DDX42: variants seen among roughly 807,000 people sequenced by gnomAD.
DDX42 encodes DEAD-box helicase 42, also known as ATP-dependent RNA helicase DDX42.
In DDX42, 22 loss-of-function variants were observed where a neutral mutation model predicts 101.5. The observed-to-expected ratio is 0.22, with a 90% confidence interval of 0.15 to 0.31. The LOEUF is 0.31. DDX42 is among the 10% of genes least tolerant of loss of function. The pLI is 1.00. For missense variants in DDX42, 849 were observed against 1,199.9 expected (o/e 0.71, Z 4.32); for synonymous variants, 402 against 401.2 (o/e 1.00, Z -0.02).
intron 3 of DDX42, among the ~76,000 whole-genome samples, chr17:63,797,717 A>G (rs1283914690): frequency 6.6e-6 from 1 of 152,252 alleles, no homozygotes; most frequent in Admixed American, 6.5e-5. Context: ...ATCTGCCTGA[A>G]TTGAAAGCAC....
At chr17:63,806,773 G>T in intron 8 of DDX42, 119 bp downstream of exon 8, 1 of 1,124,844 alleles carries the variant, frequency 8.9e-7, no homozygotes, top group African/African-American at 1.6e-5. Context: ...GATAAGGATA[G>T]AGGTATTTAT....
chr17:63,811,014 C>A, intron 12 of DDX42, 62 bp from the exon 13 acceptor site: 1 of 1,388,738 alleles, frequency 7.2e-7, no homozygotes, highest in African/African-American at 1.4e-5. Context: ...GCCAAAGAAG[C>A]TTAATGGGTA....
chr17:63,800,634 T>A lies in DDX42; in HGVS notation c.621+17T>A. 1 of 1,609,868 alleles carries A rather than the reference T, an allele frequency of 6.2e-7. No homozygotes were observed. The highest frequency in any genetic ancestry group is 1.7e-5 in the Admixed American group (1 of 59,092). ...CATTCAGAGGTATGGTGTTTCTTGCTGAATTTTACTCTTGTTTCAAGCTGA... is the reference window on the plus strand; with the variant it reads ...CATTCAGAGGTATGGTGTTTCTTGCAGAATTTTACTCTTGTTTCAAGCTGA... On this transcript the variant is annotated intron_variant, in intron 6 of 17. Coordinates refer to ENST00000389924, the MANE Select transcript of DDX42 (RefSeq NM_203499.3).
At chr17:63,787,955 A>G (rs1456866184) in intron 2 of DDX42, among the ~76,000 whole-genome samples, 1 of 130,190 alleles carries the variant, frequency 7.7e-6, no homozygotes, top group Non-Finnish European at 1.6e-5. Context: ...CCCAGGCTGG[A>G]GTATAATGGT....
chr17:63,809,886 G>T (rs2039888401), intron 11 of DDX42, among the ~76,000 whole-genome samples: 1 of 152,098 alleles, frequency 6.6e-6, no homozygotes, highest in Non-Finnish European at 1.5e-5. Context: ...TATATAAGGG[G>T]AATATTTTCT....
In DDX42 at chr17:63,818,188, C is replaced by T; in HGVS notation, c.2607C>T (p.Gly869=). The T allele has an allele frequency of 6.2e-7, 1 of 1,613,852 alleles. No homozygotes were observed. The highest frequency in any genetic ancestry group is 8.5e-7 in the Non-Finnish European group (1 of 1,179,990). ...AGAACAGACATGGAGGAAGCGCAGG[C>T]CGGCATGGGGAGAACCGGGGTGCAA... ...HGENRHGGSA[G]RHGENRGAND... is the part of the protein sequence containing the mutation. Residue 869 remains glycine (G), a synonymous_variant, in exon 18 of 18, where the codon GGC becomes GGT. Coordinates refer to ENST00000389924, the MANE Select transcript of DDX42 (RefSeq NM_203499.3).
chr17:63,801,757 A>G (rs1199849005), intron 6 of DDX42, among the ~76,000 whole-genome samples: 1 of 151,974 alleles, frequency 6.6e-6, no homozygotes, highest in East Asian at 1.9e-4. Context: ...ATCCGGTCAC[A>G]TTTGTTTTTT....
Position 63,814,712 on chromosome 17 carries a change from T to C in DDX42, c.1903-851T>C, listed in dbSNP as rs912151400. 1.6e-4 allele frequency among the ~76,000 whole-genome samples: 21 copies of C among 131,912 alleles called. No individual in the cohort carries two copies. The East Asian group carries it at 3.8e-3, about 24-fold the overall frequency. The allele number at this position is 131,912 out of a possible 152,430, so 86.5% of individuals were successfully genotyped here. On this transcript the variant is annotated intron_variant, in intron 15 of 17. Transcript: ENST00000389924. ...TTTTTTTTTTTTCTTTTTTCTGAGATGGAGTCACACTCTATCACCCAGGCT... is the reference window on the plus strand; with the variant it reads ...TTTTTTTTTTTTCTTTTTTCTGAGACGGAGTCACACTCTATCACCCAGGCT...
intron 15 of DDX42, among the ~76,000 whole-genome samples, chr17:63,814,725 T>G (rs1299646964): frequency 2.9e-5 from 4 of 136,742 alleles, no homozygotes; most frequent in Non-Finnish European, 6.3e-5. Flanking sequence ...AGTCACACTC[T>G]ATCACCCAGG....
chr17:63,779,909 T>C (rs1388669382), intron 1 of DDX42, among the ~76,000 whole-genome samples: 1 of 152,176 alleles, frequency 6.6e-6, no homozygotes, highest in East Asian at 1.9e-4. Flanking sequence ...AATAGAAATT[T>C]GGGTGGCTAT....
chr17:63,805,281 T>G (rs1288460356), intron 7 of DDX42, 106 bp downstream of exon 7: 13 of 1,356,600 alleles, frequency 9.6e-6, no homozygotes, highest in Non-Finnish European at 1.2e-5. Context: ...TCTAATGGTC[T>G]CTGAACTGTC....
chr17:63,790,574 A>G (rs1333551495), intron 2 of DDX42, among the ~76,000 whole-genome samples: 1 of 152,224 alleles, frequency 6.6e-6, no homozygotes, highest in Non-Finnish European at 1.5e-5. Context: ...CAGCCTGGAC[A>G]ACGTGGCAAA....
intron 8 of DDX42, among the ~76,000 whole-genome samples, chr17:63,807,424 AGC>A (rs2039856177): frequency 6.6e-6 from 1 of 152,248 alleles, no homozygotes; most frequent in Non-Finnish European, 1.5e-5. Context: ...TACAGGCGTG[AGC>A]CACTGCCCGG....
In DDX42 at chr17:63,819,164, A is replaced by C. The variant is rs542083520; in HGVS notation, c.*766A>C. On this transcript the variant is annotated 3_prime_UTR_variant, in exon 18 of 18. Transcript: ENST00000389924. ...TTTTTAACTTGCCCCAATGATAGAA[A>C]AGTCTTTTGCTGAAATGATTTTGAT... 3 of 152,724 alleles carry C rather than the reference A, an allele frequency of 2.0e-5. No homozygotes were observed. In the East Asian group the frequency reaches 5.8e-4, roughly 29 times the overall value. 9.5% of individuals were successfully genotyped at this position (152,724 alleles called of 1,614,324 possible).
intron 3 of DDX42, among the ~76,000 whole-genome samples, chr17:63,793,879 T>TATATATATATATATATATATAA (rs780884817): frequency 1.2e-4 from 12 of 103,030 alleles, no homozygotes; most frequent in African/African-American, 4.7e-4. Context: ...TATATATATA[T>TATATATATATATATATATATAA]AATTTTTTAA....
intron 9 of DDX42, 128 bp downstream of exon 9, chr17:63,808,028 C>G: frequency 1.2e-6 from 1 of 860,140 alleles, no homozygotes; most frequent in Non-Finnish European, 1.7e-6. Context: ...AATTGATTAT[C>G]TTAACCATTT....
intron 1 of DDX42, among the ~76,000 whole-genome samples, chr17:63,779,223 A>G (rs754419534): frequency 6.6e-6 from 1 of 152,176 alleles, no homozygotes; most frequent in Non-Finnish European, 1.5e-5. Context: ...AAAAAATACA[A>G]AAATGCAGTT....
chr17:63,784,780 A>ATT lies in DDX42; in HGVS notation c.-16-2244_-16-2243dup, dbSNP rs11429494. On this transcript the variant is annotated intron_variant, in intron 1 of 17. Coordinates refer to ENST00000389924, the MANE Select transcript of DDX42 (RefSeq NM_203499.3). ...CAGCAAGAACTTGTCTTAAAAAAAG[A>ATT]TTTTTTTTTTTAACTCAGAATGCAT... is the stretch of plus-strand genomic sequence containing the variant. 6.5e-4 allele frequency among the ~76,000 whole-genome samples: 97 copies of ATT among 149,846 alleles called. 1 individual carries two copies. The East Asian group carries it at 0.01, about 16-fold the overall frequency.
chr17:63,785,927 G>T (rs556090075), intron 1 of DDX42, among the ~76,000 whole-genome samples: 1 of 152,056 alleles, frequency 6.6e-6, no homozygotes, highest in African/African-American at 2.4e-5. Flanking sequence ...TCTAGTTTTC[G>T]GAGAGTCTTG....
Sources: gnomAD v4.1 joint callset for allele counts (sites outside exome capture counted in the v4.1 genomes callset) on GRCh38, gnomAD v4.1.1 for gene constraint, MANE v1.5 for transcripts, NCBI Gene and HGNC (gene_info 2026-07-23, HGNC 2026-07-21) for gene names.